The following RBMS3 variants were observed in gnomAD, a reference collection of about 807,000 sequenced individuals.
RBMS3 encodes the protein RNA-binding motif, single-stranded-interacting protein 3.
Under a neutral mutation model 66.8 loss-of-function variants are expected in RBMS3, and 27 were observed. That is an observed-to-expected ratio of 0.40 (90% confidence interval 0.30 to 0.56). RBMS3 has a LOEUF of 0.56. Ranked by LOEUF, RBMS3 falls within the 20% of genes least tolerant of loss-of-function variation. The pLI, the probability that RBMS3 is intolerant of heterozygous loss-of-function variation, is 0.40. For synonymous variants in RBMS3, 188 were observed against 183.0 expected, an observed-to-expected ratio of 1.03 and a Z score of -0.22; for missense variants, 513 against 549.5, an observed-to-expected ratio of 0.93 and a Z score of 0.66.
chr3:29,983,360 C>G (rs1279958992), intron 12 of RBMS3, among the ~76,000 whole-genome samples: 3 of 151,974 alleles, frequency 2.0e-5, no homozygotes, highest in African/African-American at 7.2e-5. Context: ...GGGTCTTACT[C>G]TTTATCCAAT....
intron 2 of RBMS3, among the ~76,000 whole-genome samples, chr3:29,456,056 A>C (rs986657834): frequency 6.6e-6 from 1 of 152,212 alleles, no homozygotes; most frequent in African/African-American, 2.4e-5. Flanking sequence ...TTGCAAATAC[A>C]GAATCAGTGA....
intron 6 of RBMS3, among the ~76,000 whole-genome samples, chr3:29,788,859 A>T (rs760033628): frequency 6.6e-6 from 1 of 152,214 alleles, no homozygotes; most frequent in Non-Finnish European, 1.5e-5. Context: ...CACACTAGCC[A>T]GTGTGAAAAG....
At chr3:29,857,966 G>A (rs1413877115) in intron 6 of RBMS3, among the ~76,000 whole-genome samples, 1 of 152,116 alleles carries the variant, frequency 6.6e-6, no homozygotes, top group Non-Finnish European at 1.5e-5. Flanking sequence ...TTTCATTTAT[G>A]TGTGCTAATA....
At chr3:29,435,938 C>T (rs1398688270) in intron 2 of RBMS3, among the ~76,000 whole-genome samples, 2 of 150,210 alleles carry the variant, frequency 1.3e-5, no homozygotes, top group Non-Finnish European at 2.9e-5. Flanking sequence ...CACGCCACTG[C>T]ACTCCAGCTT....
At chr3:29,738,796 A>G (rs2149347547) in intron 4 of RBMS3, among the ~76,000 whole-genome samples, 1 of 152,272 alleles carries the variant, frequency 6.6e-6, no homozygotes, top group East Asian at 1.9e-4. Flanking sequence ...CTAATGTTGC[A>G]TTTCTGGGAC....
chr3:29,877,075 A>T (rs1165708885), intron 7 of RBMS3, among the ~76,000 whole-genome samples: 4 of 152,228 alleles, frequency 2.6e-5, no homozygotes, highest in African/African-American at 4.8e-5. Flanking sequence ...GAAACAAGAG[A>T]TGATAACTTG....
intron 6 of RBMS3, among the ~76,000 whole-genome samples, chr3:29,815,485 T>A (rs2057860178): frequency 1.3e-5 from 2 of 152,164 alleles, no homozygotes; most frequent in Admixed American, 1.3e-4. Context: ...AGGCAATCCC[T>A]CTATACCTCA....
At chr3:29,887,249 A>G (rs2059893469) in intron 8 of RBMS3, among the ~76,000 whole-genome samples, 1 of 151,808 alleles carries the variant, frequency 6.6e-6, no homozygotes. Flanking sequence ...CAGCAGAAAG[A>G]CAAGGAAATA....
chr3:29,404,661 C>A (rs1390721074), intron 1 of RBMS3, among the ~76,000 whole-genome samples: 2 of 152,022 alleles, frequency 1.3e-5, no homozygotes, highest in African/African-American at 4.8e-5. Context: ...CCCTTACTGC[C>A]ATGCCCTAGG....
chr3:29,471,420 A>G (rs1253433609), intron 2 of RBMS3, among the ~76,000 whole-genome samples: 1 of 152,226 alleles, frequency 6.6e-6, no homozygotes, highest in Non-Finnish European at 1.5e-5. Context: ...CACGACATAA[A>G]TATATCAACT....
At chr3:29,695,750 A>G (rs1225321772) in intron 4 of RBMS3, among the ~76,000 whole-genome samples, 3 of 152,194 alleles carry the variant, frequency 2.0e-5, no homozygotes, top group African/African-American at 4.8e-5. Context: ...TCGTGTGTGG[A>G]CAGCACGGGA....
rs1216644954 is a variant in RBMS3 at position 29,413,374 on chromosome 3, A to ATACG, written c.76-21366_76-21365insGTAC. 6.9e-4 allele frequency among the ~76,000 whole-genome samples: 40 copies of ATACG among 58,244 alleles called. 1 individual carries two copies. Among genetic ancestry groups the ATACG allele is most frequent in the Middle Eastern group, 0.013 (2 of 154 alleles). The allele number at this position is 58,244 out of a possible 152,430, so 38.2% of individuals were successfully genotyped here. A position where few individuals can be genotyped will look rare whatever the true frequency, so the allele number is the denominator to read the frequency against. On this transcript the variant is annotated intron_variant, in intron 1 of 14. Transcript: ENST00000383767. ...AAGAGAGTGAAACTCCATCTCATTC[A>ATACG]TACATACATACATACATACATACAT...
chr3:29,847,620 C>A (rs970052234), intron 6 of RBMS3, among the ~76,000 whole-genome samples: 1 of 151,790 alleles, frequency 6.6e-6, no homozygotes, highest in African/African-American at 2.4e-5. Flanking sequence ...AGGGATAAAT[C>A]TGGGCCACTC....
intron 1 of RBMS3, among the ~76,000 whole-genome samples, chr3:29,384,432 T>G (rs370260954): frequency 0.027 from 2,711 of 99,142 alleles, 43 homozygotes; most frequent in African/African-American, 0.067. Flanking sequence ...ATAATAATAA[T>G]AATAAGAAGA....
At chr3:29,660,488 C>CT (rs1401543404) in intron 4 of RBMS3, among the ~76,000 whole-genome samples, 1 of 152,154 alleles carries the variant, frequency 6.6e-6, no homozygotes, top group Non-Finnish European at 1.5e-5. Context: ...TTCCACCAAT[C>CT]TATGTCTTTT....
rs368275241 is a variant in RBMS3, at chr3:29,322,710, AT to A, written c.75+40957del. Among the ~76,000 whole-genome samples the A allele has an allele frequency of 1.6e-3, 237 of 152,090 alleles. 7 individuals are homozygous for A. In the South Asian group the frequency reaches 0.048, roughly 31 times the overall value. On this transcript the variant is annotated intron_variant, in intron 1 of 14. Coordinates refer to ENST00000383767, the MANE Select transcript of RBMS3 (RefSeq NM_001003793.3). The stretch of plus-strand genomic sequence containing the variant: ...AAGAAAACCTCACTATATGCAAAGG[AT>A]TTGTGGATGGTTCCTTGGAGTTAAT...
At chr3:29,958,411 A>T (rs909871227) in intron 12 of RBMS3, among the ~76,000 whole-genome samples, 8 of 152,142 alleles carry the variant, frequency 5.3e-5, no homozygotes, top group Admixed American at 4.6e-4. Flanking sequence ...ACTGGATATA[A>T]ATGTAAAGTA....
At chr3:29,472,304 T>G (rs988610919) in intron 2 of RBMS3, among the ~76,000 whole-genome samples, 2 of 151,890 alleles carry the variant, frequency 1.3e-5, no homozygotes, top group Non-Finnish European at 2.9e-5. Context: ...TTCAAGCGAT[T>G]CCCGCCTCAG....
chr3:29,775,236 GT>G (rs961918991), intron 6 of RBMS3, among the ~76,000 whole-genome samples: 138 of 145,704 alleles, frequency 9.5e-4, no homozygotes, highest in South Asian at 6.6e-3. Flanking sequence ...AGTTCTACCA[GT>G]TTTTTTTTAT....
Sources: gnomAD v4.1 joint callset for allele counts (sites outside exome capture counted in the v4.1 genomes callset) on GRCh38, gnomAD v4.1.1 for gene constraint, MANE v1.5 for transcripts, NCBI Gene and HGNC (gene_info 2026-07-23, HGNC 2026-07-21) for gene names.